Variants in OR4E2 observed in about 807,000 individuals in gnomAD.
OR4E2 encodes olfactory receptor 4E2.
In OR4E2, 9 loss-of-function variants were observed where a neutral mutation model predicts 11.0. That is an observed-to-expected ratio of 0.82 (90% confidence interval 0.49 to 1.43). The LOEUF is 1.43. OR4E2 is among the 40% of genes most tolerant of loss of function. OR4E2 has a pLI of 0.00. For synonymous variants in OR4E2, 159 were observed against 147.3 expected, an observed-to-expected ratio of 1.08 and a Z score of -0.57; for missense variants, 441 against 382.0, an observed-to-expected ratio of 1.15 and a Z score of -1.29.
intron 2 of OR4E2, among the ~76,000 whole-genome samples, chr14:21,659,728 G>A (rs1880209962): frequency 6.6e-6 from 1 of 152,076 alleles, no homozygotes; most frequent in South Asian, 2.1e-4. Context: ...AATATGTATT[G>A]AGCAACTGCT....
chr14:21,656,947 G>A (rs555482190), intron 2 of OR4E2, among the ~76,000 whole-genome samples: 15 of 152,214 alleles, frequency 9.9e-5, no homozygotes, highest in African/African-American at 2.6e-4. Flanking sequence ...CGAACACTCC[G>A]TAGGTTATGG....
chr14:21,658,916 G>A (rs773136247), intron 2 of OR4E2, among the ~76,000 whole-genome samples: 3 of 152,008 alleles, frequency 2.0e-5, no homozygotes, highest in Admixed American at 1.3e-4. Flanking sequence ...TTGTAAATAA[G>A]ATTTCTGCTG....
chr14:21,659,410 T>C (rs12436422), intron 2 of OR4E2, among the ~76,000 whole-genome samples: 126,254 of 152,120 alleles, frequency 0.83, 52,581 homozygotes, highest in Non-Finnish European at 0.86. Flanking sequence ...CTTTGCTCTG[T>C]GGATAGAAAA....
intron 3 of OR4E2, among the ~76,000 whole-genome samples, chr14:21,664,340 G>C (rs141979276): frequency 0.034 from 5,177 of 152,236 alleles, 185 homozygotes; most frequent in Admixed American, 0.11. Flanking sequence ...TTTCTCTAAT[G>C]ATCAGTGATG....
At chr14:21,656,908 C>CT (rs1462962585) in intron 2 of OR4E2, among the ~76,000 whole-genome samples, 2 of 152,130 alleles carry the variant, frequency 1.3e-5, no homozygotes, top group Non-Finnish European at 2.9e-5. Context: ...TAGAGTTTGC[C>CT]ACAGCACTGA....
At chr14:21,657,445 TTCC>T (rs1880049047) in intron 2 of OR4E2, among the ~76,000 whole-genome samples, 8 of 3,582 alleles carry the variant, frequency 2.2e-3, no homozygotes, top group African/African-American at 3.8e-3. Flanking sequence ...CTTTCTTTCC[TTCC>T]TTCCTTCCTT....
chr14:21,660,631 AT>A (rs35566686), intron 2 of OR4E2, 21 bp from the exon 3 acceptor site: 109,887 of 146,144 alleles, frequency 0.75, 41,284 homozygotes, highest in East Asian at 0.95. Context: ...AATCTGATCT[AT>A]TTTTTTTTTT....
At chr14:21,661,489 T>G (rs1291778673) in intron 3 of OR4E2, among the ~76,000 whole-genome samples, 2 of 152,232 alleles carry the variant, frequency 1.3e-5, no homozygotes, top group Admixed American at 6.5e-5. Flanking sequence ...AACAATATGT[T>G]ATTGACATTC....
intron 3 of OR4E2, among the ~76,000 whole-genome samples, chr14:21,662,212 G>A (rs892258334): frequency 2.0e-5 from 3 of 151,972 alleles, no homozygotes; most frequent in African/African-American, 7.2e-5. Flanking sequence ...GATAACAGGA[G>A]TATTCTTTTT....
chr14:21,655,659 C>A (rs913689448), intron 1 of OR4E2, among the ~76,000 whole-genome samples: 7 of 152,006 alleles, frequency 4.6e-5, no homozygotes, highest in South Asian at 2.1e-4. Context: ...GGTGACAGAG[C>A]AAGACTCTGT....
At chr14:21,661,173 C>A (rs1272503734) in intron 3 of OR4E2, among the ~76,000 whole-genome samples, 1 of 152,064 alleles carries the variant, frequency 6.6e-6, no homozygotes, top group African/African-American at 2.4e-5. Flanking sequence ...TCCTTCAATT[C>A]CATACTTCTA....
Position 21,666,080 on chromosome 14 carries a change from G to T in OR4E2, c.*56G>T. ...CCACATCCTTAATGAAAGAGCAAAA[G>T]TAAAGAGTCAAAATCAACTTATATA... On this transcript the variant is annotated 3_prime_UTR_variant, in exon 4 of 4. Transcript: ENST00000641524. The T allele has an allele frequency of 2.3e-6, 3 of 1,298,348 alleles. 1 individual carries two copies. In the South Asian group the frequency reaches 3.9e-5, roughly 17 times the overall value. The allele number at this position is 1,298,348 out of a possible 1,614,324, so 80.4% of individuals were successfully genotyped here.
At chr14:21,657,739 C>A (rs563371391) in intron 2 of OR4E2, among the ~76,000 whole-genome samples, 3 of 151,888 alleles carry the variant, frequency 2.0e-5, no homozygotes, top group East Asian at 2.0e-4. Flanking sequence ...TATAGGCATG[C>A]GCCACCACGC....
Position 21,667,377 on chromosome 14 carries a change from C to T in OR4E2, c.*1353C>T, listed in dbSNP as rs1032196423. ...CAATACAGAGTGAGTGACCCACTAA[C>T]TCTAACTAAAGAGTAATACATGATT... On this transcript the variant is annotated 3_prime_UTR_variant, in exon 4 of 4. Transcript: ENST00000641524. The T allele has an allele frequency of 2.0e-5, 3 of 152,100 alleles. No individual in the cohort carries two copies. Among genetic ancestry groups the T allele is most frequent in the African/African-American group, 7.2e-5 (3 of 41,398 alleles). The allele number at this position is 152,100 out of a possible 1,614,324, so 9.4% of individuals were successfully genotyped here. A position where few individuals can be genotyped will look rare whatever the true frequency, so the allele number is the denominator to read the frequency against.
Position 21,666,029 on chromosome 14 carries a change from C to T in OR4E2, c.*5C>T. On this transcript the variant is annotated 3_prime_UTR_variant, in exon 4 of 4. Coordinates refer to ENST00000641524, the MANE Select transcript of OR4E2 (RefSeq NM_001001912.3). ...TTCACGAAATCATATACATAATGGG[C>T]ACTGGGATTGCAGACATAATTGCAG... The T allele has an allele frequency of 6.3e-7, 1 of 1,597,860 alleles. No homozygotes were observed.
At chr14:21,662,234 G>A (rs756361337) in intron 3 of OR4E2, among the ~76,000 whole-genome samples, 4 of 149,878 alleles carry the variant, frequency 2.7e-5, no homozygotes, top group Non-Finnish European at 4.4e-5. Flanking sequence ...GGTTATCTAT[G>A]TTACAATATT....
intron 2 of OR4E2, among the ~76,000 whole-genome samples, chr14:21,659,744 C>T (rs1343748539): frequency 6.6e-6 from 1 of 152,108 alleles, no homozygotes; most frequent in African/African-American, 2.4e-5. Flanking sequence ...CTGCTATGTT[C>T]TATATACTTT....
intron 3 of OR4E2, among the ~76,000 whole-genome samples, chr14:21,662,592 G>A (rs377357728): frequency 1.3e-5 from 2 of 152,210 alleles, no homozygotes; most frequent in East Asian, 1.9e-4. Flanking sequence ...GAGCCACCAC[G>A]CCTGGCTGGC....
At chr14:21,664,396 G>T (rs770384586) in intron 3 of OR4E2, among the ~76,000 whole-genome samples, 1 of 152,128 alleles carries the variant, frequency 6.6e-6, no homozygotes, top group Non-Finnish European at 1.5e-5. Context: ...GTCTTCTTTT[G>T]AGAAGTGTCT....
Sources: allele counts gnomAD v4.1 joint callset (sites outside exome capture counted in the v4.1 genomes callset), GRCh38; gene constraint gnomAD v4.1.1; transcripts MANE v1.5; gene names NCBI Gene and HGNC (gene_info 2026-07-23, HGNC 2026-07-21).